The following PDCD11 variants were observed in gnomAD, a reference collection of about 807,000 sequenced individuals.
PDCD11 encodes the protein programmed cell death 11.
Under a neutral mutation model 198.9 loss-of-function variants are expected in PDCD11, and 97 were observed. The observed-to-expected ratio is 0.49, with a 90% CI of 0.41 to 0.58. PDCD11 has a LOEUF of 0.58. PDCD11 is among the 20% of genes least tolerant of loss of function. PDCD11 has a pLI of 0.00. For missense variants in PDCD11, 2,102 were observed against 2,312.7 expected (o/e 0.91, Z 1.87); for synonymous variants, 893 against 918.0 (o/e 0.97, Z 0.49).
intron 19 of PDCD11, 98 bp downstream of exon 19, chr10:103,423,756 G>A: frequency 1.3e-6 from 1 of 798,596 alleles, no homozygotes; most frequent in Non-Finnish European, 2.1e-6. Flanking sequence ...CTGTAGCAAG[G>A]GTAGCCCTAT....
Position 103,414,082 on chromosome 10 carries a change from T to C in PDCD11, c.1302T>C (p.Ser434=), listed in dbSNP as rs1168176103. 20 of 1,611,158 alleles carry C rather than the reference T, an allele frequency of 1.2e-5. No homozygotes were observed. Among genetic ancestry groups the C allele is most frequent in the Non-Finnish European group, 1.6e-5 (19 of 1,178,848 alleles). Residue 434 remains serine (S), a synonymous_variant, in exon 10 of 36, where the codon TCT becomes TCC. Transcript: ENST00000369797. ...AAATGGATGAACTGGCCTTGCTCTC[T>C]CTACGAACGTAAGTCTGTCATTAAC... ...YSQMDELALL[S]LRTSIIEAQY...
chr10:103,416,053 A>C (rs1281203190), intron 12 of PDCD11, among the ~76,000 whole-genome samples: 1 of 152,196 alleles, frequency 6.6e-6, no homozygotes, highest in Non-Finnish European at 1.5e-5. Context: ...TAAGGAGATG[A>C]CCTTCTGAAG....
chr10:103,423,043 A>G lies in PDCD11; in HGVS notation c.2553A>G (p.Leu851=), dbSNP rs1445991499. Reference sequence around the variant, plus strand: ...TGACCCCAGGAATGTTCCTTGACCTAGTGGTGCAGGAGGTGTTGGAAGATG... The same window carrying G: ...TGACCCCAGGAATGTTCCTTGACCTGGTGGTGCAGGAGGTGTTGGAAGATG... The part of the protein sequence containing the change: ...AEMTPGMFLD[L]VVQEVLEDGS... The change falls in exon 18 of 36, where the codon CTA becomes CTG. Residue 851 remains leucine (L), a synonymous_variant. Transcript: ENST00000369797. 23 of 1,604,696 alleles carry G rather than the reference A, an allele frequency of 1.4e-5. No individual in the cohort carries two copies. The highest frequency in any genetic ancestry group is 2.7e-5 in the African/African-American group (2 of 74,584).
In PDCD11 at chr10:103,421,581, G is replaced by A. The variant is rs2133712447; in HGVS notation, c.2497+14G>A. 1.3e-6 allele frequency: 2 copies of A among 1,547,018 alleles called. No individual in the cohort carries two copies. The highest frequency in any genetic ancestry group is 2.2e-4 in the Middle Eastern group (1 of 4,610). ...TGAGCAACCGAGGTGGGGCACCTGTGGGGCAGGGGAGGTGGGCCAGGGGTG... is the reference window on the plus strand; with the variant it reads ...TGAGCAACCGAGGTGGGGCACCTGTAGGGCAGGGGAGGTGGGCCAGGGGTG... On this transcript the variant is annotated intron_variant, in intron 17 of 35. Transcript: ENST00000369797.
Position 103,423,609 on chromosome 10 carries a change from A to C in PDCD11, c.2714A>C (p.Glu905Ala). Residue 905 changes from glutamate to alanine, a missense_variant, in exon 19 of 36, where the codon GAA becomes GCA. Transcript: ENST00000369797. ...TTAAATGTTGATCTTTTGAAGTTGG[A>C]AGTGCACGTTTCCCTTCACCAGGAC... ...VILNVDLLKL[E>A]VHVSLHQDLV... The C allele has an allele frequency of 6.2e-7, 1 of 1,614,076 alleles. No individual in the cohort carries two copies. The highest frequency in any genetic ancestry group is 8.5e-7 in the Non-Finnish European group (1 of 1,179,938).
Position 103,438,038 on chromosome 10 carries a change from A to G in PDCD11, c.3869A>G (p.Asp1290Gly). 6.2e-7 allele frequency: 1 copy of G among 1,613,738 alleles called. No individual in the cohort carries two copies. The highest frequency in any genetic ancestry group is 8.5e-7 in the Non-Finnish European group (1 of 1,179,672). ...AGATGTTACATCCTGTCCACTGCAG[A>G]CAACGTATTGACTTTGTCGCTGCGA... ...VVRCYILSTA[D>G]NVLTLSLRSS... Residue 1290 changes from aspartate (D) to glycine (G), a missense_variant, in exon 26 of 36, where the codon GAC (aspartate) becomes GGC (glycine). Transcript: ENST00000369797.
Position 103,427,350 on chromosome 10 carries a change from C to T in PDCD11, c.3327C>T (p.Pro1109=), listed in dbSNP as rs1230018306. 6.2e-7 allele frequency: 1 copy of T among 1,613,226 alleles called. No individual in the cohort carries two copies. The highest frequency in any genetic ancestry group is 2.2e-5 in the East Asian group (1 of 44,762). The stretch of plus-strand genomic sequence containing the variant: ...CCAGGTATCTCCCAATAAGTCACCC[C>T]AGATTCGTTCGAACCATCCCGGAGC... ...KTFKYLPISH[P]RFVRTIPELS... Residue 1109 remains proline (P), a synonymous_variant, in exon 21 of 36, where the codon CCC becomes CCT. Transcript: ENST00000369797.
intron 27 of PDCD11, among the ~76,000 whole-genome samples, chr10:103,439,226 C>T (rs375144646): frequency 1.7e-4 from 26 of 152,202 alleles, no homozygotes; most frequent in African/African-American, 6.0e-4. Flanking sequence ...CCTGTAGTCC[C>T]AGCTATTTGG....
chr10:103,414,087 G>A lies in PDCD11; in HGVS notation c.1307G>A (p.Arg436Gln), dbSNP rs146207561. The change falls in exon 10 of 36, where the codon CGA (arginine) becomes CAA (glutamine). Residue 436 changes from arginine (R) to glutamine (Q), a missense_variant. Arg to Gln is a conservative substitution (Grantham distance 43). Coordinates refer to ENST00000369797, the MANE Select transcript of PDCD11 (RefSeq NM_014976.2). Reference sequence around the variant, plus strand: ...GATGAACTGGCCTTGCTCTCTCTACGAACGTAAGTCTGTCATTAACAGGTA... The same window carrying A: ...GATGAACTGGCCTTGCTCTCTCTACAAACGTAAGTCTGTCATTAACAGGTA... ...QMDELALLSL[R>Q]TSIIEAQYLR... 330 of 1,610,430 alleles carry A rather than the reference G, an allele frequency of 2.0e-4. No homozygotes were observed. The highest frequency in any genetic ancestry group is 2.7e-4 in the Non-Finnish European group (316 of 1,178,430).
intron 21 of PDCD11, among the ~76,000 whole-genome samples, chr10:103,431,334 TA>T (rs2031924740): frequency 6.6e-6 from 1 of 152,076 alleles, no homozygotes; most frequent in Non-Finnish European, 1.5e-5. Context: ...CTGACATCCA[TA>T]ATCTCAGCAC....
At chr10:103,444,161 G>A (rs2032504297) in intron 34 of PDCD11, 93 bp downstream of exon 34, 1 of 1,087,154 alleles carries the variant, frequency 9.2e-7, no homozygotes, top group Admixed American at 2.4e-5. Flanking sequence ...AGTCAGGAGA[G>A]CCTTGTGAGG....
rs747324644 is a variant in PDCD11, at chr10:103,444,051, G to A, written c.5261G>A (p.Cys1754Tyr). The change falls in exon 34 of 36, where the codon TGC (cysteine) becomes TAC (tyrosine). Residue 1754 changes from cysteine (C) to tyrosine (Y), a missense_variant. Physicochemically the swap from Cys to Tyr is radical, Grantham distance 194. Transcript: ENST00000369797. ...SHRVLQRALE[C>Y]LPSKEHVDVI... ...CGCGTGCTGCAGCGAGCCCTGGAGT[G>A]CCTGCCTAGCAAGGAGCGTGAGTGC... 41 of 1,611,928 alleles carry A rather than the reference G, an allele frequency of 2.5e-5. No individual in the cohort carries two copies. The highest frequency in any genetic ancestry group is 3.4e-5 in the Non-Finnish European group (40 of 1,179,954).
chr10:103,398,287 A>G (rs2093447908), intron 1 of PDCD11, 129 bp from the exon 2 acceptor site: 4 of 635,704 alleles, frequency 6.3e-6, no homozygotes, highest in African/African-American at 1.8e-5. Flanking sequence ...CATCTAAACC[A>G]TCTATGTTGT....
Position 103,413,262 on chromosome 10 carries a change from T to A in PDCD11, c.1125T>A (p.Gly375=), listed in dbSNP as rs1352924488. The A allele has an allele frequency of 1.2e-6, 2 of 1,613,786 alleles. No homozygotes were observed. ...TGCTGGATGATGTTCCTGTCCAGGGTTTTTTCAAAAAGGCTGGGGCCACCT... is the reference window on the plus strand; with the variant it reads ...TGCTGGATGATGTTCCTGTCCAGGGATTTTTCAAAAAGGCTGGGGCCACCT... ...GAVLDDVPVQ[G]FFKKAGATFR... The change falls in exon 9 of 36, where the codon GGT becomes GGA. Residue 375 remains glycine (G), a synonymous_variant. Coordinates refer to ENST00000369797, the MANE Select transcript of PDCD11 (RefSeq NM_014976.2).
At chr10:103,443,071 C>T in intron 32 of PDCD11, 94 bp from the exon 33 acceptor site, 2 of 1,114,622 alleles carry the variant, frequency 1.8e-6, no homozygotes, top group South Asian at 3.3e-5. Flanking sequence ...CAGATAGAGG[C>T]TGGGAGGGGG....
chr10:103,439,669 A>C, intron 27 of PDCD11, 77 bp from the exon 28 acceptor site: 1 of 1,551,812 alleles, frequency 6.4e-7, no homozygotes, highest in Admixed American at 1.7e-5. Flanking sequence ...AGTCCCTGTG[A>C]GAGTGAAGTC....
At chr10:103,432,657 G>A (rs1407872371) in intron 22 of PDCD11, among the ~76,000 whole-genome samples, 1 of 152,184 alleles carries the variant, frequency 6.6e-6, no homozygotes, top group African/African-American at 2.4e-5. Context: ...AGCCTGTACT[G>A]GTTGAAACAT....
Position 103,416,706 on chromosome 10 carries a change from T to C in PDCD11, c.1734T>C (p.Tyr578=), listed in dbSNP as rs1387387769. 6 of 1,614,088 alleles carry C rather than the reference T, an allele frequency of 3.7e-6. No homozygotes were observed. The highest frequency in any genetic ancestry group is 4.2e-6 in the Non-Finnish European group (5 of 1,180,038). Reference sequence around the variant, plus strand: ...CCAAGCATGAGCTCAGTACTGAGTATATCCCTGACCCGGAGAGAGTTTTTT... The same window carrying C: ...CCAAGCATGAGCTCAGTACTGAGTACATCCCTGACCCGGAGAGAGTTTTTT... ...LVPKHELSTE[Y]IPDPERVFYT... The change falls in exon 13 of 36, where the codon TAT becomes TAC. Residue 578 remains tyrosine (Y), a synonymous_variant. Coordinates refer to ENST00000369797, the MANE Select transcript of PDCD11 (RefSeq NM_014976.2).
At chr10:103,426,307 T>C (rs547863621) in intron 20 of PDCD11, among the ~76,000 whole-genome samples, 15 of 152,336 alleles carry the variant, frequency 9.8e-5, no homozygotes, top group Admixed American at 2.0e-4. Flanking sequence ...AAATTCTTGC[T>C]ATAACAAGAA....
Sources: allele counts gnomAD v4.1 joint callset (sites outside exome capture counted in the v4.1 genomes callset), GRCh38; gene constraint gnomAD v4.1.1; transcripts MANE v1.5; gene names NCBI Gene and HGNC (gene_info 2026-07-23, HGNC 2026-07-21).